The following ELMO1 variants were observed in gnomAD, a reference collection of about 807,000 sequenced individuals.
ELMO1 encodes engulfment and cell motility protein 1.
A neutral mutation model predicts 98.9 loss-of-function variants in ELMO1; 26 were observed. The ratio of observed to expected loss-of-function variants is 0.26; its 90% CI spans 0.19 to 0.36. The LOEUF (loss-of-function observed/expected upper bound fraction) is 0.36, where lower values mean the gene tolerates loss of function less well. ELMO1 is among the 10% of genes least tolerant of loss of function. The pLI is 1.00. For missense variants in ELMO1, 627 were observed against 935.2 expected (o/e 0.67, Z 4.30); for synonymous variants, 346 against 346.0 (o/e 1.00, Z 0.00).
intron 18 of ELMO1, among the ~76,000 whole-genome samples, chr7:36,882,812 C>G (rs1428260536): frequency 2.0e-5 from 3 of 152,220 alleles, no homozygotes; most frequent in African/African-American, 4.8e-5. Context: ...TCCTGCTCTT[C>G]TAGTCAATGG....
At chr7:37,163,079 T>C (rs1789341805) in intron 13 of ELMO1, among the ~76,000 whole-genome samples, 1 of 152,240 alleles carries the variant, frequency 6.6e-6, no homozygotes. Context: ...TTGGCTATAA[T>C]TCTACACATT....
At chr7:36,866,782 T>A (rs941081426) in intron 20 of ELMO1, among the ~76,000 whole-genome samples, 2 of 152,196 alleles carry the variant, frequency 1.3e-5, no homozygotes, top group African/African-American at 4.8e-5. Flanking sequence ...CACTGTGTAC[T>A]GACAGACCTC....
intron 16 of ELMO1, among the ~76,000 whole-genome samples, chr7:36,971,167 C>T (rs6962463): frequency 0.34 from 51,004 of 152,148 alleles, 11,183 homozygotes; most frequent in African/African-American, 0.63. Flanking sequence ...GGTCTAGAAA[C>T]ACTGAGTTTC....
At chr7:37,149,525 T>C (rs1196945626) in intron 13 of ELMO1, among the ~76,000 whole-genome samples, 2 of 152,234 alleles carry the variant, frequency 1.3e-5, no homozygotes, top group South Asian at 2.1e-4. Context: ...GAAAATGACA[T>C]GAAATTCAAA....
intron 14 of ELMO1, among the ~76,000 whole-genome samples, chr7:37,113,632 C>T (rs1355698330): frequency 6.6e-6 from 1 of 152,172 alleles, no homozygotes; most frequent in Non-Finnish European, 1.5e-5. Flanking sequence ...AACAAGGGTG[C>T]TATGGACGGA....
intron 2 of ELMO1, among the ~76,000 whole-genome samples, chr7:37,316,977 C>CA (rs980956040): frequency 1.3e-5 from 2 of 152,150 alleles, no homozygotes; most frequent in Non-Finnish European, 2.9e-5. Context: ...CAATTTTCTT[C>CA]ATTTGCTGAA....
intron 1 of ELMO1, chr7:37,375,494 C>A (rs1562651275): frequency 2.2e-5 from 17 of 757,738 alleles, no homozygotes; most frequent in Non-Finnish European, 3.9e-5. Context: ...TGATTCAAGC[C>A]CCGGCCCCGG....
chr7:37,333,516 CAG>C (rs1800242702), intron 2 of ELMO1, among the ~76,000 whole-genome samples: 1 of 152,078 alleles, frequency 6.6e-6, no homozygotes, highest in Non-Finnish European at 1.5e-5. Context: ...AGGAGAATGC[CAG>C]AGTTCATTCT....
At chr7:37,319,104 G>A (rs1799351563) in intron 2 of ELMO1, among the ~76,000 whole-genome samples, 1 of 152,032 alleles carries the variant, frequency 6.6e-6, no homozygotes, top group Non-Finnish European at 1.5e-5. Flanking sequence ...TAAGTCTACA[G>A]CTGTAGCCCC....
intron 14 of ELMO1, among the ~76,000 whole-genome samples, chr7:37,132,535 A>C (rs1786994627): frequency 6.6e-6 from 1 of 152,144 alleles, no homozygotes; most frequent in Admixed American, 6.5e-5. Flanking sequence ...TTAGGCTTCC[A>C]TTCATTTATT....
intron 4 of ELMO1, among the ~76,000 whole-genome samples, chr7:37,312,482 G>A (rs1433978905): frequency 6.6e-6 from 1 of 152,128 alleles, no homozygotes; most frequent in African/African-American, 2.4e-5. Context: ...TAGGCCCCAG[G>A]GCTGTTTCTC....
At chr7:37,132,945 T>G (rs1025557172) in intron 14 of ELMO1, 185 bp downstream of exon 14, 2 of 407,616 alleles carry the variant, frequency 4.9e-6, no homozygotes, top group African/African-American at 4.1e-5. Context: ...AATTAAAAGT[T>G]AAAATCCTCA....
At chr7:36,899,682 A>ATTTTTTTTTTTTTTTTTTTTTTTTT (rs1178774148) in intron 16 of ELMO1, among the ~76,000 whole-genome samples, 2 of 5,392 alleles carry the variant, frequency 3.7e-4, no homozygotes, top group Non-Finnish European at 8.3e-4. Context: ...ATCTTTACTC[A>ATTTTTTTTTTTTTTTTTTTTTTTTT]TCTTTTTTTT....
At position 37,223,503 on chromosome 7, in the gene ELMO1, T is replaced by C. The variant is rs1793710634; in HGVS notation, c.702-810A>G. Among the ~76,000 whole-genome samples, 3 of 152,326 alleles carry C rather than the reference T, an allele frequency of 2.0e-5. No individual in the cohort carries two copies. The South Asian group carries it at 6.2e-4, about 32-fold the overall frequency. On this transcript the variant is annotated intron_variant, in intron 9 of 21. Coordinates refer to ENST00000310758, the MANE Select transcript of ELMO1 (RefSeq NM_014800.11). ...CATGGGGTTAGACACACTTATTTCA[T>C]GGGATTGCTGTGAAGATAAAATGAG...
chr7:37,362,973 G>T (rs1469516180), intron 1 of ELMO1, among the ~76,000 whole-genome samples: 1 of 152,212 alleles, frequency 6.6e-6, no homozygotes, highest in African/African-American at 2.4e-5. Flanking sequence ...TGATATGGAA[G>T]GCAGACTAAA....
intron 16 of ELMO1, among the ~76,000 whole-genome samples, chr7:36,979,072 C>T (rs1562873502): frequency 6.6e-6 from 1 of 152,100 alleles, no homozygotes; most frequent in Non-Finnish European, 1.5e-5. Context: ...TTGACCCAGG[C>T]CCTGGCTTGT....
chr7:36,912,468 A>T (rs148418070), intron 16 of ELMO1, among the ~76,000 whole-genome samples: 12 of 152,182 alleles, frequency 7.9e-5, no homozygotes, highest in Non-Finnish European at 1.5e-4. Flanking sequence ...TAGGAGAAAG[A>T]CAGGAGGGAG....
At position 37,342,862 on chromosome 7, in the gene ELMO1, G is replaced by T; in HGVS notation, c.-73-99C>A. Reference sequence around the variant, plus strand: ...CCTGTTTTCACTGGTGGTTTGGTATGAAAAACGGCTCCCCTTGGTGCCTGG... The same window carrying T: ...CCTGTTTTCACTGGTGGTTTGGTATTAAAAACGGCTCCCCTTGGTGCCTGG... On this transcript the variant is annotated intron_variant, in intron 1 of 21. Transcript: ENST00000310758. This position sits in a 1 kb window ranked among gnomAD's most constrained non-coding sequence, Gnocchi z 4.3. 5.1e-6 allele frequency: 3 copies of T among 583,496 alleles called. No homozygotes were observed. The highest frequency in any genetic ancestry group is 5.8e-6 in the Non-Finnish European group (2 of 342,528). The allele number at this position is 583,496 out of a possible 1,614,324, so 36.1% of individuals were successfully genotyped here. A position where few individuals can be genotyped will look rare whatever the true frequency, so the allele number is the denominator to read the frequency against.
intron 20 of ELMO1, among the ~76,000 whole-genome samples, chr7:36,862,486 C>T (rs1802716153): frequency 6.6e-6 from 1 of 152,202 alleles, no homozygotes; most frequent in Non-Finnish European, 1.5e-5. Context: ...AGGTGAATGA[C>T]CAATGACCAA....
Sources: allele counts gnomAD v4.1 joint callset (sites outside exome capture counted in the v4.1 genomes callset), GRCh38; gene constraint gnomAD v4.1.1; non-coding constraint Gnocchi (gnomAD v3.1); transcripts MANE v1.5; gene names NCBI Gene and HGNC (gene_info 2026-07-23, HGNC 2026-07-21).